Variants in B3GALT1 observed in about 807,000 individuals in gnomAD.
The protein encoded by B3GALT1 is UDP-Gal:betaGlcNAc beta 1,3-galactosyltransferase, polypeptide 1.
Under a neutral mutation model 23.2 loss-of-function variants are expected in B3GALT1, and 10 were observed. That is an observed-to-expected ratio of 0.43 (90% confidence interval 0.27 to 0.73). The LOEUF is 0.73. Ranked by LOEUF, B3GALT1 falls within the 30% of genes least tolerant of loss-of-function variation. B3GALT1 has a pLI of 0.21. For missense variants in B3GALT1, 299 were observed against 405.4 expected, an observed-to-expected ratio of 0.74 and a Z score of 2.25; for synonymous variants, 156 against 141.5, an observed-to-expected ratio of 1.10 and a Z score of -0.73.
intron 1 of B3GALT1, among the ~76,000 whole-genome samples, chr2:167,302,971 A>G (rs1295498637): frequency 3.3e-5 from 5 of 152,218 alleles, no homozygotes; most frequent in African/African-American, 1.2e-4. Context: ...AAGCATAAAT[A>G]CGTTATCTTG....
intron 1 of B3GALT1, among the ~76,000 whole-genome samples, chr2:167,334,524 A>G (rs900450490): frequency 6.6e-6 from 1 of 152,210 alleles, no homozygotes; most frequent in Non-Finnish European, 1.5e-5. Context: ...GTTTTGGGCC[A>G]TATAAATGTG....
At chr2:167,491,512 T>A (rs1483714880) in intron 2 of B3GALT1, among the ~76,000 whole-genome samples, 1 of 139,146 alleles carries the variant, frequency 7.2e-6, no homozygotes, top group Non-Finnish European at 1.5e-5. Flanking sequence ...ATTAACAGAC[T>A]TTTTAAAGAG....
chr2:167,729,819 A>G (rs1000907882), intron 3 of B3GALT1, among the ~76,000 whole-genome samples: 6 of 152,112 alleles, frequency 3.9e-5, no homozygotes, highest in Non-Finnish European at 7.4e-5. Context: ...GAAGTGGCCA[A>G]AATCCCTTTG....
chr2:167,620,916 T>G (rs1046100956), intron 2 of B3GALT1, among the ~76,000 whole-genome samples: 2 of 152,026 alleles, frequency 1.3e-5, no homozygotes, highest in Non-Finnish European at 2.9e-5. Context: ...AATGCAAATT[T>G]TTTAACCTTA....
intron 4 of B3GALT1, among the ~76,000 whole-genome samples, chr2:167,863,940 C>T (rs953609294): frequency 4.0e-5 from 6 of 150,670 alleles, no homozygotes; most frequent in African/African-American, 1.5e-4. Context: ...CTGAAGACAA[C>T]AGGAAAAAAG....
At chr2:167,810,479 C>A (rs1020622098) in intron 3 of B3GALT1, among the ~76,000 whole-genome samples, 1 of 150,814 alleles carries the variant, frequency 6.6e-6, no homozygotes, top group Admixed American at 6.6e-5. Flanking sequence ...TATTTAGGAG[C>A]CAGACAAAGA....
chr2:167,669,933 A>G (rs1686293481), intron 3 of B3GALT1, among the ~76,000 whole-genome samples: 1 of 152,162 alleles, frequency 6.6e-6, no homozygotes, highest in African/African-American at 2.4e-5. Flanking sequence ...GAAAAGGGGC[A>G]TGGGCTCACA....
intron 4 of B3GALT1, among the ~76,000 whole-genome samples, chr2:167,827,752 A>C (rs538767723): frequency 3.3e-5 from 5 of 152,272 alleles, no homozygotes; most frequent in African/African-American, 1.2e-4. Flanking sequence ...GCATTACACA[A>C]TTCCTGGGTT....
chr2:167,827,589 C>A (rs564410085), intron 4 of B3GALT1, among the ~76,000 whole-genome samples: 1 of 152,298 alleles, frequency 6.6e-6, no homozygotes, highest in African/African-American at 2.4e-5. Flanking sequence ...CCCACCCCAC[C>A]CCTTCCCTCT....
At chr2:167,816,344 T>C (rs1314397922) in intron 3 of B3GALT1, among the ~76,000 whole-genome samples, 1 of 152,150 alleles carries the variant, frequency 6.6e-6, no homozygotes, top group Non-Finnish European at 1.5e-5. Flanking sequence ...CAAAACAGAA[T>C]GGATATTCAA....
chr2:167,307,376 C>G (rs998250711), intron 1 of B3GALT1, among the ~76,000 whole-genome samples: 6 of 151,954 alleles, frequency 3.9e-5, no homozygotes, highest in African/African-American at 1.4e-4. Context: ...GTATTAAACT[C>G]ATAGTTAATT....
chr2:167,790,772 T>G (rs1190278203), intron 3 of B3GALT1, among the ~76,000 whole-genome samples: 1 of 152,204 alleles, frequency 6.6e-6, no homozygotes, highest in African/African-American at 2.4e-5. Flanking sequence ...CTTCCTCCTT[T>G]TTCTGTCTAA....
chr2:167,629,732 TAAAAA>T (rs1166729384), intron 2 of B3GALT1, among the ~76,000 whole-genome samples: 10 of 151,730 alleles, frequency 6.6e-5, no homozygotes, highest in Non-Finnish European at 1.2e-4. Context: ...ACTACAGAAA[TAAAAA>T]TTTTTTGTGC....
chr2:167,582,889 C>T (rs73972301), intron 2 of B3GALT1, among the ~76,000 whole-genome samples: 1,974 of 152,294 alleles, frequency 0.013, 47 homozygotes, highest in African/African-American at 0.045. Flanking sequence ...GAGCTTCTGC[C>T]ATGCTCCTCA....
chr2:167,650,101 T>C (rs1264880733), intron 3 of B3GALT1, among the ~76,000 whole-genome samples: 1 of 151,858 alleles, frequency 6.6e-6, no homozygotes, highest in Admixed American at 6.6e-5. Context: ...CTATATCTAC[T>C]CTGTTGAGTG....
chr2:167,641,492 C>T (rs1385742147), intron 2 of B3GALT1, among the ~76,000 whole-genome samples: 3 of 152,174 alleles, frequency 2.0e-5, no homozygotes, highest in African/African-American at 7.2e-5. Flanking sequence ...GGGTATTGTG[C>T]ACAGTAAATG....
intron 1 of B3GALT1, among the ~76,000 whole-genome samples, chr2:167,420,483 T>G (rs994321672): frequency 1.3e-5 from 2 of 152,180 alleles, no homozygotes; most frequent in African/African-American, 4.8e-5. Context: ...GGTTTTGTTT[T>G]TATAAACATT....
chr2:167,612,949 T>C (rs905403821), intron 2 of B3GALT1, among the ~76,000 whole-genome samples: 3 of 152,018 alleles, frequency 2.0e-5, no homozygotes, highest in African/African-American at 7.2e-5. Context: ...AGTTGTGTTA[T>C]TGGAAGTCAA....
rs1009487451 is a variant in B3GALT1 at position 167,564,709 on chromosome 2, A to G, written c.-410+74432A>G. Among the ~76,000 whole-genome samples, 2 of 152,210 alleles carry G rather than the reference A, an allele frequency of 1.3e-5. 1 individual carries two copies. Reference sequence around the variant, plus strand: ...ATCCAAATCACAAGCATTCTTATACACCAATAACAGACAGACAGCCAAATC... The same window carrying G: ...ATCCAAATCACAAGCATTCTTATACGCCAATAACAGACAGACAGCCAAATC... On this transcript the variant is annotated intron_variant, in intron 2 of 4. Coordinates refer to ENST00000392690, the MANE Select transcript of B3GALT1 (RefSeq NM_020981.4).
Sources: allele counts gnomAD v4.1 joint callset (sites outside exome capture counted in the v4.1 genomes callset), GRCh38; gene constraint gnomAD v4.1.1; transcripts MANE v1.5; gene names NCBI Gene and HGNC (gene_info 2026-07-23, HGNC 2026-07-21).